Variants in AADAC observed in about 807,000 individuals in gnomAD.
The protein encoded by AADAC is arylacetamide deacetylase.
A neutral mutation model predicts 22.7 loss-of-function variants in AADAC; 17 were observed. The observed-to-expected ratio is 0.75, with a 90% CI of 0.51 to 1.12. The LOEUF is 1.12. AADAC is among the 50% of genes most tolerant of loss of function. AADAC has a pLI of 0.00. For synonymous variants in AADAC, 167 were observed against 176.3 expected (o/e 0.95, Z 0.42); for missense variants, 465 against 473.9 (o/e 0.98, Z 0.17).
intron 2 of AADAC, among the ~76,000 whole-genome samples, chr3:151,818,293 A>T (rs1169161202): frequency 6.6e-6 from 1 of 151,842 alleles, no homozygotes; most frequent in African/African-American, 2.4e-5. Flanking sequence ...TGGATCTTAC[A>T]TTCTAATGGA....
At chr3:151,824,339 A>G (rs544051252) in intron 3 of AADAC, among the ~76,000 whole-genome samples, 4 of 152,070 alleles carry the variant, frequency 2.6e-5, no homozygotes, top group African/African-American at 7.2e-5. Context: ...AGTATATGCT[A>G]TATGATTTTA....
intron 3 of AADAC, 64 bp downstream of exon 3, chr3:151,820,516 CTT>C (rs34039248): frequency 0.029 from 11,947 of 409,636 alleles, no homozygotes; most frequent in East Asian, 0.046. Context: ...TCTCAGCTTT[CTT>C]TTTTTTTTTT....
At chr3:151,817,977 G>A (rs1486132417) in intron 2 of AADAC, among the ~76,000 whole-genome samples, 1 of 151,604 alleles carries the variant, frequency 6.6e-6, no homozygotes, top group Non-Finnish European at 1.5e-5. Flanking sequence ...ATTTCCTCAC[G>A]CCTGTAATCC....
At chr3:151,824,065 C>T (rs1455977088) in intron 3 of AADAC, among the ~76,000 whole-genome samples, 2 of 151,964 alleles carry the variant, frequency 1.3e-5, no homozygotes, top group African/African-American at 4.8e-5. Context: ...TGATCAGTAA[C>T]TCCCCATTTC....
chr3:151,823,624 G>A (rs1381516566), intron 3 of AADAC, among the ~76,000 whole-genome samples: 1 of 151,950 alleles, frequency 6.6e-6, no homozygotes, highest in East Asian at 1.9e-4. Context: ...ACCAAGTGTT[G>A]GTAAGGTTTT....
chr3:151,815,482 T>C lies in AADAC; in HGVS notation c.138+1182T>C, dbSNP rs866768133. 6.6e-5 allele frequency among the ~76,000 whole-genome samples: 10 copies of C among 152,160 alleles called. No individual in the cohort carries two copies. In the Middle Eastern group the frequency reaches 0.014, roughly 207 times the overall value. On this transcript the variant is annotated intron_variant, in intron 1 of 4. Coordinates refer to ENST00000232892, the MANE Select transcript of AADAC (RefSeq NM_001086.3). Reference sequence around the variant, plus strand: ...TGGGCACTGGTAGTAAGTTTTGATTTAATTCTGTATGTGATGCAGAGCTAT... The same window carrying C: ...TGGGCACTGGTAGTAAGTTTTGATTCAATTCTGTATGTGATGCAGAGCTAT...
At chr3:151,821,449 T>C (rs1210522149) in intron 3 of AADAC, among the ~76,000 whole-genome samples, 1 of 151,920 alleles carries the variant, frequency 6.6e-6, no homozygotes, top group African/African-American at 2.4e-5. Flanking sequence ...GCAGTATATA[T>C]TTAAATTGAA....
At chr3:151,823,227 G>A (rs1347015228) in intron 3 of AADAC, among the ~76,000 whole-genome samples, 2 of 151,610 alleles carry the variant, frequency 1.3e-5, no homozygotes, top group East Asian at 1.9e-4. Context: ...GCGGTGAGCC[G>A]AGATTGTGCC....
chr3:151,824,173 C>A (rs1242843135), intron 3 of AADAC, among the ~76,000 whole-genome samples: 1 of 151,910 alleles, frequency 6.6e-6, no homozygotes, highest in African/African-American at 2.4e-5. Flanking sequence ...AGTATTTGTT[C>A]TTCCATGAGT....
Position 151,817,576 on chromosome 3 carries a change from G to A in AADAC, c.349G>A (p.Val117Met), listed in dbSNP as rs368531215. ...TTACATCCATGGTGGAGGCTGGTGC[G>A]TGGGAAGTGCTGGTAAGTGAATGCT... ...LFYIHGGGWC[V>M]GSAALSGYDL... The change falls in exon 2 of 5, where the codon GTG (valine) becomes ATG (methionine). Residue 117 changes from valine to methionine, a missense_variant. Coordinates refer to ENST00000232892, the MANE Select transcript of AADAC (RefSeq NM_001086.3). 1.5e-4 allele frequency: 239 copies of A among 1,613,150 alleles called. 2 individuals carry two copies. Among genetic ancestry groups the A allele is most frequent in the African/African-American group, 2.1e-4 (16 of 74,912 alleles).
intron 2 of AADAC, among the ~76,000 whole-genome samples, chr3:151,819,012 G>A (rs1716119757): frequency 6.6e-6 from 1 of 151,954 alleles, no homozygotes; most frequent in African/African-American, 2.4e-5. Flanking sequence ...CTCTAGAGAG[G>A]AAGAATAAAT....
At position 151,828,436 on chromosome 3, in the gene AADAC, G is replaced by C; in HGVS notation, c.*264G>C. The C allele has an allele frequency of 5.0e-6, 1 of 200,602 alleles. No homozygotes were observed. The highest frequency in any genetic ancestry group is 9.9e-6 in the Non-Finnish European group (1 of 100,838). The allele number at this position is 200,602 out of a possible 1,614,324, so 12.4% of individuals were successfully genotyped here. The stretch of plus-strand genomic sequence containing the variant: ...TTACATTCTTGTATACTTTATTTTT[G>C]TGAGTTGGCTACTATTTACGATGCA... On this transcript the variant is annotated 3_prime_UTR_variant, in exon 5 of 5. Transcript: ENST00000232892.
intron 3 of AADAC, among the ~76,000 whole-genome samples, chr3:151,823,232 T>C (rs13070603): frequency 0.16 from 24,743 of 151,492 alleles, 2,311 homozygotes; most frequent in African/African-American, 0.21. Flanking sequence ...GAGCCGAGAT[T>C]GTGCCACTGG....
At chr3:151,827,507 G>T in intron 4 of AADAC, 69 bp from the exon 5 acceptor site, 1 of 956,840 alleles carries the variant, frequency 1.0e-6, no homozygotes. Context: ...TAGACAGATA[G>T]ATAATCTTAT....
chr3:151,816,300 A>G (rs1485919778), intron 1 of AADAC, among the ~76,000 whole-genome samples: 2 of 152,062 alleles, frequency 1.3e-5, no homozygotes, highest in Non-Finnish European at 2.9e-5. Context: ...TCGACCTGCC[A>G]GGGTTTTTCC....
At position 151,814,208 on chromosome 3, in the gene AADAC, G is replaced by A; in HGVS notation, c.46G>A (p.Ala16Thr). The A allele has an allele frequency of 6.2e-7, 1 of 1,613,258 alleles. No individual in the cohort carries two copies. The highest frequency in any genetic ancestry group is 8.5e-7 in the Non-Finnish European group (1 of 1,179,438). ...LYLLIVGILI[A>T]YYIYTPLPDN... Reference sequence around the variant, plus strand: ...CCTTCTGATTGTGGGGATCCTCATAGCATATTATATTTATACGCCTCTCCC... The same window carrying A: ...CCTTCTGATTGTGGGGATCCTCATAACATATTATATTTATACGCCTCTCCC... Residue 16 changes from alanine to threonine, a missense_variant, in exon 1 of 5, where the codon GCA (alanine) becomes ACA (threonine). Ala to Thr is a moderately conservative substitution (Grantham distance 58). Transcript: ENST00000232892.
intron 4 of AADAC, among the ~76,000 whole-genome samples, chr3:151,827,327 T>G (rs554137498): frequency 6.6e-6 from 1 of 152,018 alleles, no homozygotes; most frequent in Non-Finnish European, 1.5e-5. Flanking sequence ...TTTTGCATTA[T>G]CCATAAAGCA....
Position 151,827,885 on chromosome 3 carries a change from T to C in AADAC, c.913T>C (p.Ser305Pro), listed in dbSNP as rs1370026877. Reference protein sequence around the residue: ...HVYNNPNYGSSELAKKYPGFL... With the variant: ...HVYNNPNYGSPELAKKYPGFL... ...TTATAACAATCCAAATTATGGCAGT[T>C]CTGAGCTGGCTAAAAAATATCCAGG... Residue 305 changes from serine to proline, a missense_variant, in exon 5 of 5, where the codon TCT (serine) becomes CCT (proline). Physicochemically the swap from Ser to Pro is moderately conservative, Grantham distance 74. Transcript: ENST00000232892. 1 of 1,612,424 alleles carries C rather than the reference T, an allele frequency of 6.2e-7. No homozygotes were observed. Among genetic ancestry groups the C allele is most frequent in the Non-Finnish European group, 8.5e-7 (1 of 1,179,272 alleles).
chr3:151,821,442 G>A (rs1265032009), intron 3 of AADAC, among the ~76,000 whole-genome samples: 1 of 151,876 alleles, frequency 6.6e-6, no homozygotes, highest in East Asian at 1.9e-4. Context: ...TGCCAGAGCA[G>A]TATATATTTA....
Sources: allele counts gnomAD v4.1 joint callset (sites outside exome capture counted in the v4.1 genomes callset), GRCh38; gene constraint gnomAD v4.1.1; transcripts MANE v1.5; gene names NCBI Gene and HGNC (gene_info 2026-07-23, HGNC 2026-07-21).